AKAP6: variants seen among roughly 807,000 people sequenced by gnomAD.
AKAP6 encodes A-kinase anchoring protein 6, also known as A-kinase anchor protein 6.
In AKAP6, 58 loss-of-function variants were observed where a neutral mutation model predicts 188.5. That is an observed-to-expected ratio of 0.31 (90% confidence interval 0.25 to 0.38). The LOEUF (loss-of-function observed/expected upper bound fraction) is 0.38, where lower values mean the gene tolerates loss of function less well. Ranked by LOEUF, AKAP6 falls within the 10% of genes least tolerant of loss-of-function variation. The probability of loss-of-function intolerance (pLI) is 1.00; values close to 1 mark genes in which losing one functional copy is unlikely to be tolerated. For synonymous variants in AKAP6, 989 were observed against 998.6 expected, an observed-to-expected ratio of 0.99 and a Z score of 0.18; for missense variants, 2,710 against 2,740.0, an observed-to-expected ratio of 0.99 and a Z score of 0.24.
intron 5 of AKAP6, among the ~76,000 whole-genome samples, chr14:32,583,910 C>G (rs1476002671): frequency 6.6e-6 from 1 of 152,214 alleles, no homozygotes; most frequent in African/African-American, 2.4e-5. Context: ...AAGGGAACTC[C>G]CTGACCCCTC....
chr14:32,554,093 A>G (rs2139184068), intron 4 of AKAP6, among the ~76,000 whole-genome samples: 1 of 152,408 alleles, frequency 6.6e-6, no homozygotes, highest in Admixed American at 6.5e-5. Context: ...CATATGTGGT[A>G]TAAGTAATAG....
intron 1 of AKAP6, among the ~76,000 whole-genome samples, chr14:32,417,484 G>A (rs1383917311): frequency 6.6e-6 from 1 of 152,178 alleles, no homozygotes; most frequent in Admixed American, 6.5e-5. Flanking sequence ...CAGTTGAGGA[G>A]TAAATACACA....
At chr14:32,534,595 C>T (rs1882580266) in intron 2 of AKAP6, among the ~76,000 whole-genome samples, 1 of 151,968 alleles carries the variant, frequency 6.6e-6, no homozygotes, top group East Asian at 1.9e-4. Context: ...TGTCTTTTTT[C>T]ATCTTTGGAA....
intron 2 of AKAP6, among the ~76,000 whole-genome samples, chr14:32,489,583 C>T (rs539634049): frequency 3.9e-5 from 6 of 152,164 alleles, no homozygotes; most frequent in Admixed American, 1.3e-4. Context: ...ACAGAAAGCA[C>T]CTGACCTGTA....
At chr14:32,683,276 G>A (rs1889773263) in intron 8 of AKAP6, among the ~76,000 whole-genome samples, 1 of 152,088 alleles carries the variant, frequency 6.6e-6, no homozygotes, top group East Asian at 1.9e-4. Flanking sequence ...TTACAGGAGT[G>A]AGCCACCGCA....
At chr14:32,467,883 A>G (rs966814493) in intron 2 of AKAP6, among the ~76,000 whole-genome samples, 1 of 151,512 alleles carries the variant, frequency 6.6e-6, no homozygotes, top group African/African-American at 2.4e-5. Flanking sequence ...TCTTGGTTTT[A>G]TTTGCTTTTA....
At chr14:32,642,181 G>T (rs1271761450) in intron 7 of AKAP6, among the ~76,000 whole-genome samples, 1 of 152,074 alleles carries the variant, frequency 6.6e-6, no homozygotes, top group Admixed American at 6.5e-5. Context: ...TGTTATACTT[G>T]GCTAGTTATA....
At chr14:32,819,972 A>ATG (rs2034479002) in intron 12 of AKAP6, among the ~76,000 whole-genome samples, 1 of 152,104 alleles carries the variant, frequency 6.6e-6, no homozygotes, top group African/African-American at 2.4e-5. Context: ...ATATATATAT[A>ATG]TGTATGGCCA....
rs548507610 is a variant in AKAP6 at position 32,539,065 on chromosome 14, A to T, written c.576+3260A>T. Among the ~76,000 whole-genome samples, 4 of 152,232 alleles carry T rather than the reference A, an allele frequency of 2.6e-5. No homozygotes were observed. In the South Asian group the frequency reaches 8.3e-4, roughly 32 times the overall value. On this transcript the variant is annotated intron_variant, in intron 3 of 13. Coordinates refer to ENST00000280979, the MANE Select transcript of AKAP6 (RefSeq NM_004274.5). ...CTATGCATTCAAAGGTGAATAACAC[A>T]TGTTAGAAATGACCTTCATAATTTT...
chr14:32,728,729 C>G lies in AKAP6; in HGVS notation c.3001-3725C>G, dbSNP rs191064016. Reference sequence around the variant, plus strand: ...AATGTCTGGTCTCTTTTCAGCATAACCAACAGAAGCACCATACAAAAGTCT... The same window carrying G: ...AATGTCTGGTCTCTTTTCAGCATAAGCAACAGAAGCACCATACAAAAGTCT... On this transcript the variant is annotated intron_variant, in intron 9 of 13. Coordinates refer to ENST00000280979, the MANE Select transcript of AKAP6 (RefSeq NM_004274.5). 2.8e-3 allele frequency among the ~76,000 whole-genome samples: 433 copies of G among 152,300 alleles called. 5 individuals are homozygous for G. Among genetic ancestry groups the G allele is most frequent in the Non-Finnish European group, 4.7e-3 (321 of 68,028 alleles).
At chr14:32,525,846 A>G (rs1488959943) in intron 2 of AKAP6, among the ~76,000 whole-genome samples, 1 of 152,216 alleles carries the variant, frequency 6.6e-6, no homozygotes, top group Non-Finnish European at 1.5e-5. Flanking sequence ...GCTTCTAGAA[A>G]GATACAGTCT....
At chr14:32,618,735 T>C (rs1253060331) in intron 7 of AKAP6, among the ~76,000 whole-genome samples, 1 of 152,230 alleles carries the variant, frequency 6.6e-6, no homozygotes, top group Non-Finnish European at 1.5e-5. Flanking sequence ...CTGGATCGAA[T>C]GATAGATCTA....
At chr14:32,638,830 A>C (rs1201591859) in intron 7 of AKAP6, among the ~76,000 whole-genome samples, 1 of 152,058 alleles carries the variant, frequency 6.6e-6, no homozygotes, top group South Asian at 2.1e-4. Context: ...AATATTCATA[A>C]TATATATAAC....
intron 11 of AKAP6, among the ~76,000 whole-genome samples, chr14:32,743,312 A>G (rs1183468438): frequency 6.6e-6 from 1 of 151,904 alleles, no homozygotes; most frequent in Admixed American, 6.5e-5. Flanking sequence ...TTATTTTTTC[A>G]TCCCTTCAGC....
intron 4 of AKAP6, among the ~76,000 whole-genome samples, chr14:32,567,358 TTCCAAAC>T (rs1884243560): frequency 6.6e-6 from 1 of 152,192 alleles, no homozygotes; most frequent in Non-Finnish European, 1.5e-5. Context: ...CTTTACCCCT[TTCCAAAC>T]AGATGTGTTT....
chr14:32,499,224 C>T (rs1370009444), intron 2 of AKAP6, among the ~76,000 whole-genome samples: 3 of 149,918 alleles, frequency 2.0e-5, no homozygotes, highest in African/African-American at 7.4e-5. Flanking sequence ...AGTGGTTACA[C>T]ATGTGTTCAC....
chr14:32,682,405 C>T (rs1889716326), intron 8 of AKAP6, among the ~76,000 whole-genome samples: 1 of 152,232 alleles, frequency 6.6e-6, no homozygotes, highest in African/African-American at 2.4e-5. Flanking sequence ...GGCAGGGCTG[C>T]ATCTTTCATG....
chr14:32,682,684 A>T (rs1889728493), intron 8 of AKAP6, among the ~76,000 whole-genome samples: 1 of 152,218 alleles, frequency 6.6e-6, no homozygotes, highest in Non-Finnish European at 1.5e-5. Flanking sequence ...ATAGTGCATC[A>T]GGATGACCTG....
intron 1 of AKAP6, among the ~76,000 whole-genome samples, chr14:32,347,582 T>C (rs1220338478): frequency 6.6e-6 from 1 of 152,258 alleles, no homozygotes; most frequent in African/African-American, 2.4e-5. Flanking sequence ...GATTATCATT[T>C]TACAGACACT....
Sources: allele counts gnomAD v4.1 joint callset (sites outside exome capture counted in the v4.1 genomes callset), GRCh38; gene constraint gnomAD v4.1.1; transcripts MANE v1.5; gene names NCBI Gene and HGNC (gene_info 2026-07-23, HGNC 2026-07-21).